Variants in DISC1 observed in about 807,000 individuals in gnomAD.
DISC1 encodes the protein disrupted in schizophrenia 1 protein.
DISC1 carries 57 observed loss-of-function variants against 84.5 expected under a neutral mutation model. The ratio of observed to expected loss-of-function variants is 0.67; its 90% CI spans 0.55 to 0.84. The LOEUF (loss-of-function observed/expected upper bound fraction) is 0.84, where lower values mean the gene tolerates loss of function less well. Ranked by LOEUF, DISC1 falls within the 40% of genes least tolerant of loss-of-function variation. DISC1 has a pLI of 0.00. For missense variants in DISC1, 1,000 were observed against 1,057.8 expected (o/e 0.95, Z 0.76); for synonymous variants, 411 against 415.2 (o/e 0.99, Z 0.12).
intron 9 of DISC1, among the ~76,000 whole-genome samples, chr1:231,868,291 C>T (rs2085202452): frequency 6.6e-6 from 1 of 152,100 alleles, no homozygotes. Flanking sequence ...TCCCCTTTTC[C>T]ACTCTGTCCT....
chr1:231,786,775 C>A (rs556949372), intron 6 of DISC1, among the ~76,000 whole-genome samples: 1 of 152,136 alleles, frequency 6.6e-6, no homozygotes, highest in Non-Finnish European at 1.5e-5. Flanking sequence ...TATCTACACC[C>A]TTCAAGGTAG....
At position 231,920,366 on chromosome 1, in the gene DISC1, G is replaced by A. The variant is rs572667389; in HGVS notation, c.1982-38462G>A. Among the ~76,000 whole-genome samples, 15 of 152,244 alleles carry A rather than the reference G, an allele frequency of 9.9e-5. No individual in the cohort carries two copies. In the South Asian group the frequency reaches 3.1e-3, roughly 32 times the overall value. On this transcript the variant is annotated intron_variant, in intron 9 of 12. Coordinates refer to ENST00000439617, the MANE Select transcript of DISC1 (RefSeq NM_018662.3). ...CAAACATCATCACCATTCATCTCCA[G>A]AACTTTCTTATCTTTGCTAGCTGAA...
intron 7 of DISC1, among the ~76,000 whole-genome samples, chr1:231,799,004 A>G (rs772261740): frequency 1.3e-5 from 2 of 152,122 alleles, no homozygotes; most frequent in Non-Finnish European, 2.9e-5. Flanking sequence ...CATTAATCTG[A>G]GTCTAGATAA....
chr1:231,879,751 G>A (rs1429750876), intron 9 of DISC1, among the ~76,000 whole-genome samples: 1 of 152,090 alleles, frequency 6.6e-6, no homozygotes, highest in Non-Finnish European at 1.5e-5. Flanking sequence ...ACAGATGGGT[G>A]GTCTATGATT....
chr1:231,968,750 A>G (rs892399749), intron 10 of DISC1, among the ~76,000 whole-genome samples: 11 of 152,138 alleles, frequency 7.2e-5, no homozygotes, highest in African/African-American at 2.2e-4. Flanking sequence ...TCATCTAGGG[A>G]GGGGCTCATG....
intron 9 of DISC1, among the ~76,000 whole-genome samples, chr1:231,828,357 G>T (rs1558618310): frequency 6.6e-6 from 1 of 152,170 alleles, no homozygotes; most frequent in Non-Finnish European, 1.5e-5. Flanking sequence ...GCAAGTGTTT[G>T]TATACCCTTC....
chr1:231,997,794 C>G (rs555737549), intron 10 of DISC1, among the ~76,000 whole-genome samples: 1 of 152,326 alleles, frequency 6.6e-6, no homozygotes, highest in African/African-American at 2.4e-5. Flanking sequence ...CCACTGGGAC[C>G]TGCACAAGTG....
At chr1:232,025,276 A>G (rs1669337717) in intron 11 of DISC1, among the ~76,000 whole-genome samples, 1 of 152,204 alleles carries the variant, frequency 6.6e-6, no homozygotes, top group South Asian at 2.1e-4. Flanking sequence ...GAGAGAGGGC[A>G]ACGGGGTTAG....
intron 9 of DISC1, among the ~76,000 whole-genome samples, chr1:231,923,111 A>G (rs2090106026): frequency 6.6e-6 from 1 of 151,830 alleles, no homozygotes; most frequent in Non-Finnish European, 1.5e-5. Context: ...CCCCGTCTCT[A>G]CTAAAAACAC....
In DISC1 at chr1:231,929,848, TGAA is replaced by T. The variant is rs368132919; in HGVS notation, c.1982-28978_1982-28976del. Among the ~76,000 whole-genome samples, 19 of 152,298 alleles carry T rather than the reference TGAA, an allele frequency of 1.2e-4. No homozygotes were observed. In the South Asian group the frequency reaches 3.5e-3, roughly 28 times the overall value. On this transcript the variant is annotated intron_variant, in intron 9 of 12. Transcript: ENST00000439617. ...GAGGACACTCCACCATTGTTGTTGT[TGAA>T]GGAGAGCTGTACTTCTGATGTCCCC...
chr1:231,971,344 T>C (rs986416469), intron 10 of DISC1, among the ~76,000 whole-genome samples: 2 of 152,232 alleles, frequency 1.3e-5, no homozygotes, highest in Non-Finnish European at 2.9e-5. Flanking sequence ...TATGAACCTG[T>C]TAGCTTCAGA....
intron 8 of DISC1, among the ~76,000 whole-genome samples, chr1:231,803,320 C>T (rs567479374): frequency 2.0e-5 from 3 of 152,144 alleles, no homozygotes; most frequent in Non-Finnish European, 4.4e-5. Context: ...CACTGGTATG[C>T]ATCTCTATTA....
intron 1 of DISC1, among the ~76,000 whole-genome samples, chr1:231,633,661 T>C (rs1419911488): frequency 6.6e-6 from 1 of 152,194 alleles, no homozygotes; most frequent in African/African-American, 2.4e-5. Flanking sequence ...AGGATTGATA[T>C]TGATCATTAA....
chr1:231,940,821 A>T (rs1326360842), intron 9 of DISC1: 3 of 152,260 alleles, frequency 2.0e-5, no homozygotes, highest in African/African-American at 7.2e-5. Context: ...TCTGCCTTCA[A>T]CATTTGCTGC....
chr1:231,987,080 C>A (rs572030222), intron 10 of DISC1, among the ~76,000 whole-genome samples: 2 of 152,184 alleles, frequency 1.3e-5, no homozygotes, highest in Non-Finnish European at 2.9e-5. Context: ...GTTCTCCCTA[C>A]GTCAACTCTG....
chr1:231,985,476 C>T (rs821663), intron 10 of DISC1, among the ~76,000 whole-genome samples: 64,161 of 151,996 alleles, frequency 0.42, 15,146 homozygotes, highest in African/African-American at 0.65. Context: ...TTCGTAGCAG[C>T]AGGATGAGGA....
At chr1:231,962,791 C>T (rs199775096) in intron 10 of DISC1, among the ~76,000 whole-genome samples, 2 of 152,140 alleles carry the variant, frequency 1.3e-5, no homozygotes, top group Non-Finnish European at 2.9e-5. Flanking sequence ...TCCATGTCAG[C>T]TCCTCCTCCT....
At chr1:231,963,380 A>T (rs1229647046) in intron 10 of DISC1, among the ~76,000 whole-genome samples, 2 of 152,172 alleles carry the variant, frequency 1.3e-5, no homozygotes, top group Non-Finnish European at 2.9e-5. Flanking sequence ...GAAAAATGAC[A>T]ATTTCATATA....
chr1:231,938,850 T>C (rs2126126156), intron 9 of DISC1, among the ~76,000 whole-genome samples: 1 of 152,324 alleles, frequency 6.6e-6, no homozygotes, highest in African/African-American at 2.4e-5. Flanking sequence ...CAACTCTGCT[T>C]GGCTGTGTTA....
Sources: allele counts gnomAD v4.1 joint callset (sites outside exome capture counted in the v4.1 genomes callset), GRCh38; gene constraint gnomAD v4.1.1; transcripts MANE v1.5; gene names NCBI Gene and HGNC (gene_info 2026-07-23, HGNC 2026-07-21).